Variants in CTNNBL1 observed in about 807,000 individuals in gnomAD.
CTNNBL1 encodes the protein beta-catenin-like protein 1.
CTNNBL1 carries 31 observed loss-of-function variants against 72.7 expected under a neutral mutation model. The observed-to-expected ratio is 0.43, with a 90% CI of 0.32 to 0.58. The LOEUF (loss-of-function observed/expected upper bound fraction) is 0.58, where lower values mean the gene tolerates loss of function less well. Ranked by LOEUF, CTNNBL1 falls within the 20% of genes least tolerant of loss-of-function variation. The pLI, the probability that CTNNBL1 is intolerant of heterozygous loss-of-function variation, is 0.08. For missense variants in CTNNBL1, 534 were observed against 725.1 expected (o/e 0.74, Z 3.03); for synonymous variants, 240 against 267.3 (o/e 0.90, Z 1.00).
intron 11 of CTNNBL1, among the ~76,000 whole-genome samples, chr20:37,806,489 G>A (rs2071961540): frequency 6.6e-6 from 1 of 152,222 alleles, no homozygotes; most frequent in South Asian, 2.1e-4. Flanking sequence ...CGAAAGGGCA[G>A]GTTGGGTTTT....
chr20:37,814,698 A>T (rs1707890813), intron 11 of CTNNBL1, among the ~76,000 whole-genome samples: 1 of 152,182 alleles, frequency 6.6e-6, no homozygotes, highest in South Asian at 2.1e-4. Flanking sequence ...CTATATTTTT[A>T]AAAAGCTCCA....
chr20:37,813,200 G>A (rs1442049338), intron 11 of CTNNBL1, among the ~76,000 whole-genome samples: 3 of 152,174 alleles, frequency 2.0e-5, no homozygotes, highest in South Asian at 2.1e-4. Flanking sequence ...TCTGAGACCA[G>A]TCTGGTACCA....
intron 1 of CTNNBL1, among the ~76,000 whole-genome samples, chr20:37,721,000 T>C (rs2073035904): frequency 6.6e-6 from 1 of 152,102 alleles, no homozygotes; most frequent in Non-Finnish European, 1.5e-5. Flanking sequence ...GACATTTGAG[T>C]GGGGGCTTAA....
In CTNNBL1 at chr20:37,746,092, G is replaced by A. The variant is rs567656500; in HGVS notation, c.327-376G>A. Among the ~76,000 whole-genome samples the A allele has an allele frequency of 1.6e-4, 25 of 152,270 alleles. No individual in the cohort carries two copies. The South Asian group carries it at 5.2e-3, about 32-fold the overall frequency. On this transcript the variant is annotated intron_variant, in intron 3 of 15. Coordinates refer to ENST00000361383, the MANE Select transcript of CTNNBL1 (RefSeq NM_030877.5). ...TGGGAAGTAAGAGAAACCCTTTTTG[G>A]ATGGGTAGTAGGATAACTATGTTCA...
chr20:37,780,827 T>A (rs780040068), intron 10 of CTNNBL1, among the ~76,000 whole-genome samples: 2 of 152,216 alleles, frequency 1.3e-5, no homozygotes, highest in South Asian at 4.1e-4. Flanking sequence ...ATCATTGTTA[T>A]AACGGTGTTA....
chr20:37,755,042 A>G (rs532279684), intron 4 of CTNNBL1, among the ~76,000 whole-genome samples: 5 of 151,998 alleles, frequency 3.3e-5, no homozygotes, highest in African/African-American at 4.8e-5. Flanking sequence ...CCTGACCTCA[A>G]GTAATCCGCC....
chr20:37,764,649 T>C (rs1004510261), intron 5 of CTNNBL1, among the ~76,000 whole-genome samples: 1 of 152,248 alleles, frequency 6.6e-6, no homozygotes, highest in Non-Finnish European at 1.5e-5. Flanking sequence ...TGTTGATTAT[T>C]CCTTTTAAGA....
intron 9 of CTNNBL1, among the ~76,000 whole-genome samples, chr20:37,778,631 G>C (rs1173894085): frequency 1.3e-5 from 2 of 152,176 alleles, no homozygotes; most frequent in African/African-American, 2.4e-5. Context: ...TAAAGCCCCA[G>C]CTCCCCTGTG....
intron 10 of CTNNBL1, among the ~76,000 whole-genome samples, chr20:37,799,375 C>T (rs2073804654): frequency 6.6e-6 from 1 of 152,200 alleles, no homozygotes; most frequent in South Asian, 2.1e-4. Flanking sequence ...CAGTCATCTT[C>T]CACCACTGGC....
chr20:37,838,288 C>CA (rs2072272545), intron 11 of CTNNBL1, among the ~76,000 whole-genome samples: 1 of 151,940 alleles, frequency 6.6e-6, no homozygotes, highest in South Asian at 2.1e-4. Context: ...CCAAAGGGGA[C>CA]AAGGGTGGAA....
At chr20:37,738,805 C>T (rs936822678) in intron 3 of CTNNBL1, among the ~76,000 whole-genome samples, 1 of 152,124 alleles carries the variant, frequency 6.6e-6, no homozygotes, top group African/African-American at 2.4e-5. Context: ...GAAAAGAACA[C>T]AGGAAGGCAT....
intron 10 of CTNNBL1, 113 bp from the exon 11 acceptor site, chr20:37,802,753 AT>A: frequency 1.3e-6 from 1 of 795,718 alleles, no homozygotes; most frequent in Non-Finnish European, 2.0e-6. Flanking sequence ...GTTAACAAGT[AT>A]GTAATATTTC....
intron 4 of CTNNBL1, chr20:37,750,359 C>G (rs1243203147): frequency 2.0e-5 from 3 of 152,132 alleles, no homozygotes; most frequent in Non-Finnish European, 1.5e-5. Context: ...GAGGGTTACT[C>G]TAAATGCAGT....
chr20:37,764,420 A>C lies in CTNNBL1; in HGVS notation c.565-777A>C, dbSNP rs115685610. Among the ~76,000 whole-genome samples, 342 of 152,296 alleles carry C rather than the reference A, an allele frequency of 2.2e-3. 3 individuals are homozygous for C. Among genetic ancestry groups the C allele is most frequent in the African/African-American group, 6.6e-3 (275 of 41,582 alleles). ...ACAGGAGGTAGCATGAAGTAGTAAA[A>C]GCATTATTTCACCTAAGGAGAAGGA... is the stretch of plus-strand genomic sequence containing the variant. On this transcript the variant is annotated intron_variant, in intron 5 of 15. Coordinates refer to ENST00000361383, the MANE Select transcript of CTNNBL1 (RefSeq NM_030877.5).
intron 1 of CTNNBL1, among the ~76,000 whole-genome samples, chr20:37,696,980 GAGACCAGCCTGACCAACATGA>G (rs1422703491): frequency 6.6e-6 from 1 of 151,668 alleles, no homozygotes; most frequent in Non-Finnish European, 1.5e-5. Flanking sequence ...TTGGGAGTTT[GAGACCAGCCTGACCAACATGA>G]AGAAACCATG....
intron 11 of CTNNBL1, among the ~76,000 whole-genome samples, chr20:37,803,866 T>C (rs1385292555): frequency 1.3e-5 from 2 of 152,086 alleles, no homozygotes; most frequent in African/African-American, 2.4e-5. Flanking sequence ...GGAGGCTTTT[T>C]TTTTTGTCAG....
intron 15 of CTNNBL1, among the ~76,000 whole-genome samples, chr20:37,864,254 C>A (rs556787767): frequency 5.6e-5 from 8 of 143,676 alleles, no homozygotes; most frequent in Admixed American, 2.2e-4. Context: ...TAAAGAAAAC[C>A]AGCTCATCAG....
At chr20:37,833,592 A>G (rs987490137) in intron 11 of CTNNBL1, among the ~76,000 whole-genome samples, 2 of 151,988 alleles carry the variant, frequency 1.3e-5, no homozygotes, top group Non-Finnish European at 2.9e-5. Flanking sequence ...GCGTGTGTAC[A>G]TGCATGTGTG....
At chr20:37,747,688 A>G (rs2073279587) in intron 4 of CTNNBL1, among the ~76,000 whole-genome samples, 1 of 151,846 alleles carries the variant, frequency 6.6e-6, no homozygotes, top group Non-Finnish European at 1.5e-5. Flanking sequence ...AAGTGATCCT[A>G]CTCCTTAGCC....
Sources: allele counts gnomAD v4.1 joint callset (sites outside exome capture counted in the v4.1 genomes callset), GRCh38; gene constraint gnomAD v4.1.1; transcripts MANE v1.5; gene names NCBI Gene and HGNC (gene_info 2026-07-23, HGNC 2026-07-21).